The following IL1RAPL2 variants were observed in gnomAD, a reference collection of about 807,000 sequenced individuals.
IL1RAPL2 encodes X-linked interleukin-1 receptor accessory protein-like 2.
Under a neutral mutation model 44.1 loss-of-function variants are expected in IL1RAPL2, and 3 were observed. That is an observed-to-expected ratio of 0.07 (90% CI 0.03 to 0.18). The LOEUF (loss-of-function observed/expected upper bound fraction) is 0.18. Ranked by LOEUF, IL1RAPL2 falls within the 10% of genes least tolerant of loss-of-function variation. The pLI is 1.00. For synonymous variants in IL1RAPL2, 181 were observed against 178.8 expected (o/e 1.01, Z -0.10); for missense variants, 391 against 496.4 (o/e 0.79, Z 2.02).
In IL1RAPL2 at chrX:105,601,373, T is replaced by C. The variant is rs1475516901; in HGVS notation, c.773-115994T>C. Among the ~76,000 whole-genome samples the C allele has an allele frequency of 3.6e-5, 4 of 111,245 alleles. No homozygotes were observed. The East Asian group carries it at 1.1e-3, about 32-fold the overall frequency. On this transcript the variant is annotated intron_variant, in intron 6 of 10. Coordinates refer to ENST00000372582, the MANE Select transcript of IL1RAPL2 (RefSeq NM_017416.2). The stretch of plus-strand genomic sequence containing the variant: ...GTAGATAACAGCAAATTGAGTAGAA[T>C]GTCTGTGAGAGTACACTGGAATTCA...
intron 2 of IL1RAPL2, among the ~76,000 whole-genome samples, chrX:105,076,568 G>A (rs978396924): frequency 6.3e-5 from 7 of 111,104 alleles, no homozygotes; most frequent in African/African-American, 2.0e-4. Context: ...TCCGCTTGGT[G>A]CAGAGCTGAG....
intron 2 of IL1RAPL2, among the ~76,000 whole-genome samples, chrX:105,030,356 T>C (rs368278284): frequency 9.0e-6 from 1 of 111,716 alleles, no homozygotes; most frequent in African/African-American, 3.3e-5. Flanking sequence ...CTAGGTTTTC[T>C]TCTAGGGTTT....
intron 1 of IL1RAPL2, among the ~76,000 whole-genome samples, chrX:104,607,208 C>A (rs1015659837): frequency 8.9e-6 from 1 of 111,921 alleles, no homozygotes; most frequent in Non-Finnish European, 1.9e-5. Flanking sequence ...GAAACTGGAC[C>A]CCTTCCTTAC....
At chrX:105,467,908 T>G (rs1265972018) in intron 5 of IL1RAPL2, among the ~76,000 whole-genome samples, 1 of 111,690 alleles carries the variant, frequency 9.0e-6, no homozygotes, top group African/African-American at 3.3e-5. Context: ...AACACAGATT[T>G]CTACTCTCCA....
chrX:104,734,655 G>T (rs1490247416), intron 2 of IL1RAPL2, among the ~76,000 whole-genome samples: 4 of 111,629 alleles, frequency 3.6e-5, no homozygotes, highest in Non-Finnish European at 5.7e-5. Flanking sequence ...TGACTACAAA[G>T]GGATGGCATG....
intron 2 of IL1RAPL2, among the ~76,000 whole-genome samples, chrX:104,943,706 C>T (rs1925262990): frequency 9.0e-6 from 1 of 111,565 alleles, no homozygotes; most frequent in African/African-American, 3.3e-5. Context: ...TGCAACTACT[C>T]AGAACCACAG....
At chrX:105,637,821 A>G (rs905353846) in intron 6 of IL1RAPL2, among the ~76,000 whole-genome samples, 25 of 109,572 alleles carry the variant, frequency 2.3e-4, no homozygotes, top group African/African-American at 7.6e-4. Context: ...GTCAGTTTCT[A>G]TTTTATCTGA....
At chrX:104,830,195 C>A (rs145914158) in intron 2 of IL1RAPL2, among the ~76,000 whole-genome samples, 2 of 111,244 alleles carry the variant, frequency 1.8e-5, no homozygotes. Context: ...GGACACAGAA[C>A]GGGCAAAGAC....
At chrX:105,277,086 C>T (rs910795810) in intron 5 of IL1RAPL2, among the ~76,000 whole-genome samples, 1 of 111,866 alleles carries the variant, frequency 8.9e-6, no homozygotes, top group African/African-American at 3.3e-5. Flanking sequence ...GGGGATGAAG[C>T]ACCCGCCTTA....
intron 2 of IL1RAPL2, among the ~76,000 whole-genome samples, chrX:104,713,939 A>G (rs1931507579): frequency 9.0e-6 from 1 of 111,294 alleles, no homozygotes; most frequent in Non-Finnish European, 1.9e-5. Flanking sequence ...TGTTTCCAGA[A>G]GGAGAGGAGA....
At chrX:105,177,149 C>T (rs1422131818) in intron 2 of IL1RAPL2, among the ~76,000 whole-genome samples, 1 of 110,547 alleles carries the variant, frequency 9.0e-6, no homozygotes, top group Non-Finnish European at 1.9e-5. Flanking sequence ...TATTTACAGC[C>T]ACTCCCCAAT....
chrX:105,621,769 T>C (rs1370298879), intron 6 of IL1RAPL2, among the ~76,000 whole-genome samples: 2 of 111,398 alleles, frequency 1.8e-5, no homozygotes, highest in Non-Finnish European at 3.8e-5. Flanking sequence ...TAAAATATTT[T>C]AAGGGAGTGT....
intron 8 of IL1RAPL2, among the ~76,000 whole-genome samples, chrX:105,743,248 C>T (rs890330435): frequency 8.9e-6 from 1 of 111,918 alleles, no homozygotes; most frequent in African/African-American, 3.3e-5. Context: ...CAGTTCCTTC[C>T]CTTTCCACTA....
intron 2 of IL1RAPL2, among the ~76,000 whole-genome samples, chrX:105,079,561 TG>T (rs1238834115): frequency 1.8e-5 from 2 of 109,728 alleles, no homozygotes; most frequent in Non-Finnish European, 3.8e-5. Context: ...TAGTATTCCA[TG>T]GTGTATATGT....
At chrX:105,021,198 A>G (rs2031276784) in intron 2 of IL1RAPL2, among the ~76,000 whole-genome samples, 1 of 111,665 alleles carries the variant, frequency 9.0e-6, no homozygotes, top group South Asian at 3.7e-4. Flanking sequence ...AGGGTCTCCA[A>G]CACAAATGTC....
chrX:105,455,232 ATTGCATAGT>A (rs2036047039), intron 5 of IL1RAPL2, among the ~76,000 whole-genome samples: 1 of 112,268 alleles, frequency 8.9e-6, no homozygotes. Context: ...TCTGAATGAG[ATTGCATAGT>A]TTGCAAAAAT....
chrX:105,751,389 A>G (rs1003686735), intron 9 of IL1RAPL2, among the ~76,000 whole-genome samples: 1 of 112,179 alleles, frequency 8.9e-6, no homozygotes, highest in African/African-American at 3.2e-5. Context: ...ACAATTTATT[A>G]TGTTAATCTA....
intron 2 of IL1RAPL2, among the ~76,000 whole-genome samples, chrX:105,163,944 G>C (rs1217257145): frequency 9.0e-6 from 1 of 111,163 alleles, no homozygotes; most frequent in African/African-American, 3.3e-5. Flanking sequence ...TCTTCCAAAG[G>C]TTATCTTTAT....
At chrX:104,963,847 A>T (rs181985233) in intron 2 of IL1RAPL2, among the ~76,000 whole-genome samples, 1 of 111,306 alleles carries the variant, frequency 9.0e-6, no homozygotes, top group East Asian at 2.8e-4. Context: ...ATAACAAAAC[A>T]TAAAGGTAAG....
Sources: gnomAD v4.1 joint callset for allele counts (sites outside exome capture counted in the v4.1 genomes callset) on GRCh38, gnomAD v4.1.1 for gene constraint, MANE v1.5 for transcripts, NCBI Gene and HGNC (gene_info 2026-07-23, HGNC 2026-07-21) for gene names.